The following C1orf21 variants were observed in gnomAD, a reference collection of about 807,000 sequenced individuals.
C1orf21 encodes chromosome 1 open reading frame 21, also known as uncharacterized protein C1orf21.
C1orf21 carries 3 observed loss-of-function variants against 18.7 expected under a neutral mutation model. That is an observed-to-expected ratio of 0.16 (90% CI 0.07 to 0.42). The LOEUF (loss-of-function observed/expected upper bound fraction) is 0.42. Ranked by LOEUF, C1orf21 falls within the 10% of genes least tolerant of loss-of-function variation. C1orf21 has a pLI of 0.99. For synonymous variants in C1orf21, 41 were observed against 46.4 expected, an observed-to-expected ratio of 0.88 and a Z score of 0.47; for missense variants, 104 against 143.6, an observed-to-expected ratio of 0.72 and a Z score of 1.41.
At chr1:184,531,633 T>G (rs897007080) in intron 3 of C1orf21, among the ~76,000 whole-genome samples, 5 of 152,178 alleles carry the variant, frequency 3.3e-5, no homozygotes, top group Non-Finnish European at 7.4e-5. Context: ...GCTACATAAC[T>G]TTCTCATTAG....
At chr1:184,446,626 C>T (rs1046499060) in intron 1 of C1orf21, among the ~76,000 whole-genome samples, 2 of 151,648 alleles carry the variant, frequency 1.3e-5, no homozygotes, top group African/African-American at 4.8e-5. Flanking sequence ...GACAGACAGA[C>T]GTGTAATGGA....
intron 2 of C1orf21, among the ~76,000 whole-genome samples, chr1:184,480,514 ACT>A (rs1230441825): frequency 6.6e-6 from 1 of 152,036 alleles, no homozygotes; most frequent in Admixed American, 6.6e-5. Flanking sequence ...AGCCAGGAAG[ACT>A]CTATTGTTCT....
intron 2 of C1orf21, among the ~76,000 whole-genome samples, chr1:184,499,122 C>T (rs1488673696): frequency 3.9e-5 from 6 of 152,008 alleles, no homozygotes; most frequent in African/African-American, 1.4e-4. Context: ...TCTCCTTCTT[C>T]CTCCTACCCC....
At position 184,596,152 on chromosome 1, in the gene C1orf21, G is replaced by A. The variant is rs1659510270; in HGVS notation, c.267-2249G>A. Among the ~76,000 whole-genome samples the A allele has an allele frequency of 2.0e-5, 3 of 152,260 alleles. 1 individual carries two copies. In the South Asian group the frequency reaches 6.2e-4, roughly 32 times the overall value. On this transcript the variant is annotated intron_variant, in intron 4 of 5. Coordinates refer to ENST00000235307, the MANE Select transcript of C1orf21 (RefSeq NM_030806.4). Reference sequence around the variant, plus strand: ...AAATGCCCCCTCTTGTCCCTCTCATGTGCATGTGTATGAGTACTGACCAAA... The same window carrying A: ...AAATGCCCCCTCTTGTCCCTCTCATATGCATGTGTATGAGTACTGACCAAA...
chr1:184,447,916 G>T (rs1036102570), intron 1 of C1orf21, among the ~76,000 whole-genome samples: 1 of 152,038 alleles, frequency 6.6e-6, no homozygotes, highest in Non-Finnish European at 1.5e-5. Flanking sequence ...CCACTTAAGT[G>T]GTCTCATTTC....
At chr1:184,446,714 A>C in intron 1 of C1orf21, among the ~76,000 whole-genome samples, 1 of 152,026 alleles carries the variant, frequency 6.6e-6, no homozygotes, top group East Asian at 1.9e-4. Context: ...CCTGAGTGAA[A>C]AAAAAAACAA....
chr1:184,598,601 C>G lies in C1orf21; in HGVS notation c.327+140C>G, dbSNP rs143465664. The G allele has an allele frequency of 8.8e-6, 7 of 793,254 alleles. No individual in the cohort carries two copies. The East Asian group carries it at 1.9e-4, about 21-fold the overall frequency. 49.1% of individuals were successfully genotyped at this position (793,254 alleles called of 1,614,324 possible). ...GGGTGGAGAGTTAAATAAAAGTCAC[C>G]GCCCTTCCAAAATAAAGTGCATGTG... On this transcript the variant is annotated intron_variant, in intron 5 of 5. Coordinates refer to ENST00000235307, the MANE Select transcript of C1orf21 (RefSeq NM_030806.4).
At position 184,619,653 on chromosome 1, in the gene C1orf21, C is replaced by A; in HGVS notation, c.*97C>A. ...AAGGTCGGTTCTATTCAGCGAACAG[C>A]ACTATAGCAAAAGAAGATCGTTCCA... On this transcript the variant is annotated 3_prime_UTR_variant, in exon 6 of 6. Coordinates refer to ENST00000235307, the MANE Select transcript of C1orf21 (RefSeq NM_030806.4). The A allele has an allele frequency of 9.2e-7, 1 of 1,086,604 alleles. No homozygotes were observed. Among genetic ancestry groups the A allele is most frequent in the South Asian group, 1.5e-5 (1 of 67,022 alleles). The allele number at this position is 1,086,604 out of a possible 1,614,324, so 67.3% of individuals were successfully genotyped here.
chr1:184,469,575 G>A (rs943355295), intron 1 of C1orf21, among the ~76,000 whole-genome samples: 3 of 152,190 alleles, frequency 2.0e-5, no homozygotes, highest in Admixed American at 6.5e-5. Context: ...TAAACTGCAG[G>A]TTTCTGAGAG....
At chr1:184,457,031 G>T (rs571998440) in intron 1 of C1orf21, among the ~76,000 whole-genome samples, 3 of 152,270 alleles carry the variant, frequency 2.0e-5, no homozygotes, top group South Asian at 4.1e-4. Flanking sequence ...GAAGGTGATG[G>T]TGATCACTTG....
chr1:184,596,486 G>GT (rs138321145), intron 4 of C1orf21, among the ~76,000 whole-genome samples: 3,393 of 152,238 alleles, frequency 0.022, 93 homozygotes, highest in Admixed American at 0.078. Flanking sequence ...TAAAAATGCC[G>GT]TTTTTTATGA....
At chr1:184,449,596 C>T (rs1243884070) in intron 1 of C1orf21, among the ~76,000 whole-genome samples, 1 of 152,094 alleles carries the variant, frequency 6.6e-6, no homozygotes, top group Non-Finnish European at 1.5e-5. Context: ...AATGGTATTT[C>T]TAGTTCTTAA....
At chr1:184,425,299 G>T (rs952151215) in intron 1 of C1orf21, among the ~76,000 whole-genome samples, 2 of 149,680 alleles carry the variant, frequency 1.3e-5, no homozygotes, top group African/African-American at 2.5e-5. Flanking sequence ...ACAAGGTCTC[G>T]TTCTGGCACC....
At chr1:184,399,435 T>C (rs557046962) in intron 1 of C1orf21, among the ~76,000 whole-genome samples, 2 of 146,586 alleles carry the variant, frequency 1.4e-5, no homozygotes, top group East Asian at 2.1e-4. Flanking sequence ...TGATCTCGGC[T>C]CACTGCAGCC....
At position 184,616,000 on chromosome 1, in the gene C1orf21, A is replaced by T. The variant is rs1351382237; in HGVS notation, c.328-3518A>T. Among the ~76,000 whole-genome samples, 9 of 152,140 alleles carry T rather than the reference A, an allele frequency of 5.9e-5. No homozygotes were observed. The East Asian group carries it at 1.7e-3, about 29-fold the overall frequency. ...CAATATATTACTACTAACTCTAGTC[A>T]CCCTACTGTGCTGTTGAACACTAGA... On this transcript the variant is annotated intron_variant, in intron 5 of 5. Coordinates refer to ENST00000235307, the MANE Select transcript of C1orf21 (RefSeq NM_030806.4).
intron 1 of C1orf21, among the ~76,000 whole-genome samples, chr1:184,392,868 A>G (rs560893143): frequency 3.5e-4 from 41 of 116,488 alleles, no homozygotes; most frequent in African/African-American, 1.4e-3. Context: ...TCATTCTGTC[A>G]CCCAGGCTAG....
At chr1:184,456,797 A>G (rs984323888) in intron 1 of C1orf21, among the ~76,000 whole-genome samples, 7 of 152,114 alleles carry the variant, frequency 4.6e-5, no homozygotes, top group Admixed American at 1.3e-4. Flanking sequence ...ACCTTATTAT[A>G]TTGCAGTTTC....
intron 1 of C1orf21, among the ~76,000 whole-genome samples, chr1:184,409,464 C>T (rs1656299881): frequency 6.6e-6 from 1 of 151,966 alleles, no homozygotes; most frequent in African/African-American, 2.4e-5. Flanking sequence ...TCTTTCTAGT[C>T]CTACTGGAAT....
At chr1:184,578,273 T>A (rs1419551082) in intron 3 of C1orf21, among the ~76,000 whole-genome samples, 1 of 152,190 alleles carries the variant, frequency 6.6e-6, no homozygotes, top group Non-Finnish European at 1.5e-5. Context: ...AGGTCTTAAA[T>A]GCAGTCTCCT....
Sources: allele counts gnomAD v4.1 joint callset (sites outside exome capture counted in the v4.1 genomes callset), GRCh38; gene constraint gnomAD v4.1.1; transcripts MANE v1.5; gene names NCBI Gene and HGNC (gene_info 2026-07-23, HGNC 2026-07-21).